The following MAGI2 variants were observed in gnomAD, a reference collection of about 807,000 sequenced individuals.
MAGI2 encodes membrane associated guanylate kinase, WW and PDZ domain containing 2.
In MAGI2, 35 loss-of-function variants were observed where a neutral mutation model predicts 133.3. The ratio of observed to expected loss-of-function variants is 0.26; its 90% confidence interval spans 0.20 to 0.35. The LOEUF is 0.35. Among genes scored for constraint, MAGI2 ranks in the 10% least tolerant of loss-of-function variants. MAGI2 has a pLI of 1.00. For missense variants in MAGI2, 1,636 were observed against 1,863.4 expected, an observed-to-expected ratio of 0.88 and a Z score of 2.25; for synonymous variants, 729 against 710.6, an observed-to-expected ratio of 1.03 and a Z score of -0.41.
chr7:78,060,626 G>A (rs1181411371), intron 21 of MAGI2, among the ~76,000 whole-genome samples: 3 of 152,190 alleles, frequency 2.0e-5, no homozygotes, highest in Admixed American at 2.0e-4. Flanking sequence ...TCTGATTGCC[G>A]GACTTGGGAA....
chr7:79,358,099 C>T (rs889537796), intron 1 of MAGI2, among the ~76,000 whole-genome samples: 2 of 151,718 alleles, frequency 1.3e-5, no homozygotes, highest in African/African-American at 4.8e-5. Context: ...GCTACTAGGT[C>T]CCTACATTAA....
chr7:79,220,645 G>A (rs533784155), intron 1 of MAGI2, among the ~76,000 whole-genome samples: 1 of 152,110 alleles, frequency 6.6e-6, no homozygotes, highest in East Asian at 1.9e-4. Context: ...GCTAATGCTC[G>A]GGGGCTAAAT....
chr7:78,965,340 T>A (rs76397933), intron 2 of MAGI2, among the ~76,000 whole-genome samples: 2,234 of 152,060 alleles, frequency 0.015, 47 homozygotes, highest in African/African-American at 0.052. Context: ...GGTAGAATTT[T>A]TTTTTTTATA....
At chr7:78,383,150 C>T (rs111671314) in intron 6 of MAGI2, among the ~76,000 whole-genome samples, 13 of 151,986 alleles carry the variant, frequency 8.6e-5, no homozygotes, top group East Asian at 3.9e-4. Context: ...CTGAATTAAA[C>T]GGTGATTCTA....
chr7:78,489,323 G>A (rs1793368240), intron 6 of MAGI2, among the ~76,000 whole-genome samples: 1 of 152,028 alleles, frequency 6.6e-6, no homozygotes, highest in South Asian at 2.1e-4. Context: ...TTCAAGGAAA[G>A]CATGTCTTTA....
chr7:78,566,384 G>A (rs1410060593), intron 3 of MAGI2, among the ~76,000 whole-genome samples: 1 of 151,926 alleles, frequency 6.6e-6, no homozygotes, highest in Non-Finnish European at 1.5e-5. Flanking sequence ...TGAGAATGGC[G>A]GTTGGAACAG....
chr7:78,602,230 G>C (rs1805282325), intron 3 of MAGI2, among the ~76,000 whole-genome samples: 1 of 151,894 alleles, frequency 6.6e-6, no homozygotes, highest in South Asian at 2.1e-4. Context: ...CGCTATCTTT[G>C]CTGACTGCAG....
intron 1 of MAGI2, among the ~76,000 whole-genome samples, chr7:79,357,750 T>A (rs1476395927): frequency 6.6e-6 from 1 of 152,140 alleles, no homozygotes; most frequent in African/African-American, 2.4e-5. Flanking sequence ...AGGACCTAAG[T>A]GTATATACCT....
chr7:79,000,527 C>T (rs1353168819), intron 2 of MAGI2, among the ~76,000 whole-genome samples: 1 of 152,092 alleles, frequency 6.6e-6, no homozygotes, highest in African/African-American at 2.4e-5. Context: ...GGCCAACGAG[C>T]CTCACTCTAA....
intron 20 of MAGI2, among the ~76,000 whole-genome samples, chr7:78,099,006 TC>T (rs1203638294): frequency 6.6e-6 from 1 of 152,122 alleles, no homozygotes; most frequent in Non-Finnish European, 1.5e-5. Flanking sequence ...GCATTCTTTA[TC>T]CCCATTTTCA....
chr7:78,551,807 C>G (rs370538412), intron 3 of MAGI2, among the ~76,000 whole-genome samples: 1 of 152,204 alleles, frequency 6.6e-6, no homozygotes, highest in Admixed American at 6.5e-5. Flanking sequence ...GGCAGCGGTG[C>G]GAACCTGGCT....
At chr7:79,176,256 A>G (rs1349776315) in intron 1 of MAGI2, among the ~76,000 whole-genome samples, 1 of 151,998 alleles carries the variant, frequency 6.6e-6, no homozygotes, top group African/African-American at 2.4e-5. Flanking sequence ...GCTTACAGTC[A>G]GTCCCCTTCC....
At chr7:78,389,193 A>G (rs919447749) in intron 6 of MAGI2, among the ~76,000 whole-genome samples, 4 of 152,180 alleles carry the variant, frequency 2.6e-5, no homozygotes, top group Admixed American at 6.6e-5. Context: ...ATTAGTTCTA[A>G]AACTGCTGTG....
chr7:78,684,844 C>A (rs930925625), intron 2 of MAGI2, among the ~76,000 whole-genome samples: 3 of 152,116 alleles, frequency 2.0e-5, no homozygotes, highest in Non-Finnish European at 4.4e-5. Context: ...AGAAATTCTA[C>A]CTTGGCCAAA....
At chr7:78,609,079 C>A (rs1455779166) in intron 3 of MAGI2, among the ~76,000 whole-genome samples, 1 of 152,164 alleles carries the variant, frequency 6.6e-6, no homozygotes, top group African/African-American at 2.4e-5. Context: ...CTAGGCCAGT[C>A]TTACATTTTC....
chr7:79,206,689 G>A lies in MAGI2; in HGVS notation c.302-199483C>T, dbSNP rs6943715. On this transcript the variant is annotated intron_variant, in intron 1 of 21. Coordinates refer to ENST00000354212, the MANE Select transcript of MAGI2 (RefSeq NM_012301.4). ...TCAAACTCTTCCAAAAAATTGAAAA[G>A]GAAGGACTACTTCCAAACTTATTTT... 3.2e-3 allele frequency among the ~76,000 whole-genome samples: 479 copies of A among 151,892 alleles called. 7 individuals carry two copies. The highest frequency in any genetic ancestry group is 0.011 in the African/African-American group (450 of 41,376).
intron 10 of MAGI2, among the ~76,000 whole-genome samples, chr7:78,239,356 AT>A (rs1160798783): frequency 2.6e-5 from 4 of 152,166 alleles, no homozygotes; most frequent in Non-Finnish European, 5.9e-5. Context: ...CTGGGCAGTG[AT>A]TTTTCAACAT....
chr7:78,425,609 C>T (rs1409158072), intron 6 of MAGI2, among the ~76,000 whole-genome samples: 1 of 152,150 alleles, frequency 6.6e-6, no homozygotes, highest in East Asian at 1.9e-4. Context: ...TAGAAGAGAT[C>T]AGTTGCTACA....
At chr7:79,146,375 C>T (rs1822622327) in intron 1 of MAGI2, among the ~76,000 whole-genome samples, 2 of 152,080 alleles carry the variant, frequency 1.3e-5, no homozygotes, top group Admixed American at 1.3e-4. Flanking sequence ...TTGGAAGTTG[C>T]CTCTTATGAT....
Sources: allele counts gnomAD v4.1 joint callset (sites outside exome capture counted in the v4.1 genomes callset), GRCh38; gene constraint gnomAD v4.1.1; transcripts MANE v1.5; gene names NCBI Gene and HGNC (gene_info 2026-07-23, HGNC 2026-07-21).